NEMP2: variants seen among roughly 807,000 people sequenced by gnomAD.
NEMP2 encodes the protein UPF0571 transmembrane protein.
A neutral mutation model predicts 54.2 loss-of-function variants in NEMP2; 53 were observed. The ratio of observed to expected loss-of-function variants is 0.98; its 90% CI spans 0.78 to 1.23. The LOEUF (loss-of-function observed/expected upper bound fraction) is 1.23. NEMP2 is among the 50% of genes most tolerant of loss of function. The pLI is 0.00. For missense variants in NEMP2, 455 were observed against 511.3 expected (o/e 0.89, Z 1.06); for synonymous variants, 197 against 190.3 (o/e 1.04, Z -0.29).
chr2:190,553,939 T>A, the NEMP2 span, among the ~76,000 whole-genome samples: 9 of 152,208 alleles, frequency 5.9e-5, no homozygotes, highest in East Asian at 1.7e-3. Context: ...AGGCGAGTGA[T>A]ATCTGCATTT....
the NEMP2 span, among the ~76,000 whole-genome samples, chr2:190,431,452 C>A: frequency 6.6e-6 from 1 of 152,256 alleles, no homozygotes. This position sits in a 1 kb window ranked among gnomAD's most constrained non-coding sequence, Gnocchi z 4.4. Flanking sequence ...TCTGCAATCC[C>A]GGCACCTCTG....
At chr2:190,621,293 T>G in the NEMP2 span, among the ~76,000 whole-genome samples, 1 of 152,236 alleles carries the variant, frequency 6.6e-6, no homozygotes, top group African/African-American at 2.4e-5. Context: ...GCTACAAACT[T>G]GTACAGCATG....
the NEMP2 span, among the ~76,000 whole-genome samples, chr2:190,463,378 A>T: frequency 6.6e-6 from 1 of 152,184 alleles, no homozygotes; most frequent in Admixed American, 6.5e-5. The surrounding 1 kb of genome is among the most constrained non-coding windows in gnomAD (Gnocchi z 4.4). Flanking sequence ...ATTCCTGGGG[A>T]GGAGGGCACA....
chr2:190,509,128 T>C lies in NEMP2; in HGVS notation c.*61A>G. 1.3e-6 allele frequency: 2 copies of C among 1,540,584 alleles called. No homozygotes were observed. Among genetic ancestry groups the C allele is most frequent in the Non-Finnish European group, 1.8e-6 (2 of 1,140,688 alleles). The stretch of plus-strand genomic sequence containing the variant: ...CTAGAACAGTTCTGCCTAACTTTAA[T>C]AGAATCCCTGCCCTTTGCCCACTTC... On this transcript the variant is annotated 3_prime_UTR_variant, in exon 9 of 9. Coordinates refer to ENST00000409150, the MANE Select transcript of NEMP2 (RefSeq NM_001142645.2). The surrounding 1 kb of genome is among the most constrained non-coding windows in gnomAD (Gnocchi z 6.1).
chr2:190,461,039 A>C, the NEMP2 span, among the ~76,000 whole-genome samples: 10 of 152,290 alleles, frequency 6.6e-5, no homozygotes, highest in Admixed American at 1.3e-4. The surrounding 1 kb of genome is among the most constrained non-coding windows in gnomAD (Gnocchi z 5.5). Flanking sequence ...ACTATTTCCT[A>C]TGTCTTTCTT....
the NEMP2 span, among the ~76,000 whole-genome samples, chr2:190,621,520 T>C: frequency 6.6e-6 from 1 of 152,116 alleles, no homozygotes. Context: ...AGACTTAATA[T>C]TGTTAAGATT....
the NEMP2 span, among the ~76,000 whole-genome samples, chr2:190,575,125 G>T: frequency 6.6e-6 from 1 of 151,970 alleles, no homozygotes; most frequent in Non-Finnish European, 1.5e-5. Flanking sequence ...AAAGTGCTGG[G>T]ATTACAGGTG....
chr2:190,557,751 T>C, the NEMP2 span, among the ~76,000 whole-genome samples: 1 of 152,082 alleles, frequency 6.6e-6, no homozygotes, highest in South Asian at 2.1e-4. Flanking sequence ...ATTAGAGAAA[T>C]GCAAATCAAA....
chr2:190,555,611 A>G, the NEMP2 span, among the ~76,000 whole-genome samples: 1 of 151,960 alleles, frequency 6.6e-6, no homozygotes, highest in Non-Finnish European at 1.5e-5. This position sits in a 1 kb window ranked among gnomAD's most constrained non-coding sequence, Gnocchi z 4.8. Flanking sequence ...GCGAGAAGAC[A>G]TGCTAAAAAA....
At chr2:190,518,222 C>G (rs1306379763) in intron 4 of NEMP2, among the ~76,000 whole-genome samples, 1 of 152,116 alleles carries the variant, frequency 6.6e-6, no homozygotes, top group Non-Finnish European at 1.5e-5. Context: ...AGCAAAACAT[C>G]AGAATAATAT....
chr2:190,536,735 A>G (rs575648063), upstream of NEMP2, among the ~76,000 whole-genome samples: 51 of 152,320 alleles, frequency 3.3e-4, no homozygotes, highest in Middle Eastern at 3.4e-3. Context: ...AAAACTCCCC[A>G]GCACTCTAGG....
intron 7 of NEMP2, among the ~76,000 whole-genome samples, chr2:190,511,173 T>TA (rs1690351573): frequency 6.6e-6 from 1 of 152,212 alleles, no homozygotes; most frequent in Admixed American, 6.5e-5. Flanking sequence ...TTTGTTTTTT[T>TA]ATGCTTGGCC....
chr2:190,614,845 C>A, the NEMP2 span, among the ~76,000 whole-genome samples: 1 of 152,194 alleles, frequency 6.6e-6, no homozygotes, highest in African/African-American at 2.4e-5. This position sits in a 1 kb window ranked among gnomAD's most constrained non-coding sequence, Gnocchi z 5.7. Context: ...AAACAATAGG[C>A]TCCCAGCATA....
chr2:190,515,949 C>T (rs1439162274), intron 6 of NEMP2, among the ~76,000 whole-genome samples: 1 of 152,064 alleles, frequency 6.6e-6, no homozygotes, highest in Non-Finnish European at 1.5e-5. Context: ...TTTTACATTA[C>T]CAGTTAGATG....
chr2:190,595,026 A>C, the NEMP2 span, among the ~76,000 whole-genome samples: 1 of 152,180 alleles, frequency 6.6e-6, no homozygotes. This position sits in a 1 kb window ranked among gnomAD's most constrained non-coding sequence, Gnocchi z 4.0. Flanking sequence ...TATGCAGTTT[A>C]AACAGAAAGC....
At chr2:190,497,852 A>T in the NEMP2 span, 1 of 1,041,960 alleles carries the variant, frequency 9.6e-7, no homozygotes. This position sits in a 1 kb window ranked among gnomAD's most constrained non-coding sequence, Gnocchi z 5.2. Context: ...CATGCAAACA[A>T]TTTCAGTACT....
At chr2:190,496,879 G>T in the NEMP2 span, among the ~76,000 whole-genome samples, 3 of 152,164 alleles carry the variant, frequency 2.0e-5, no homozygotes, top group African/African-American at 7.2e-5. This position sits in a 1 kb window ranked among gnomAD's most constrained non-coding sequence, Gnocchi z 4.7. Context: ...AAAGGCATAA[G>T]AATGATATGA....
At chr2:190,446,770 A>C in the NEMP2 span, among the ~76,000 whole-genome samples, 1 of 152,178 alleles carries the variant, frequency 6.6e-6, no homozygotes, top group African/African-American at 2.4e-5. Context: ...AATACAAGAG[A>C]TGAATACTCG....
the NEMP2 span, among the ~76,000 whole-genome samples, chr2:190,575,055 C>A: frequency 6.6e-6 from 1 of 151,962 alleles, no homozygotes; most frequent in Non-Finnish European, 1.5e-5. Context: ...TGGGGTTTCA[C>A]TATGTTGGCC....
Sources: allele counts gnomAD v4.1 joint callset (sites outside exome capture counted in the v4.1 genomes callset), GRCh38; gene constraint gnomAD v4.1.1; non-coding constraint Gnocchi (gnomAD v3.1); transcripts MANE v1.5; gene names NCBI Gene and HGNC (gene_info 2026-07-23, HGNC 2026-07-21).